Variants in KCND2 observed in about 807,000 individuals in gnomAD.
KCND2 encodes the protein potassium voltage-gated channel subfamily D member 2.
In KCND2, 16 loss-of-function variants were observed where a neutral mutation model predicts 54.4. That is an observed-to-expected ratio of 0.29 (90% CI 0.20 to 0.45). The LOEUF is 0.45. Among genes scored for constraint, KCND2 ranks in the 20% least tolerant of loss-of-function variants. KCND2 has a pLI of 1.00. For synonymous variants in KCND2, 317 were observed against 310.7 expected (o/e 1.02, Z -0.21); for missense variants, 486 against 824.2 (o/e 0.59, Z 5.02).
In KCND2 at chr7:120,659,089, T is replaced by C. The variant is rs184949465; in HGVS notation, c.1116-73814T>C. Among the ~76,000 whole-genome samples the C allele has an allele frequency of 2.6e-5, 4 of 152,322 alleles. No individual in the cohort carries two copies. In the East Asian group the frequency reaches 7.7e-4, roughly 29 times the overall value. On this transcript the variant is annotated intron_variant, in intron 1 of 5. Coordinates refer to ENST00000331113, the MANE Select transcript of KCND2 (RefSeq NM_012281.3). ...AGAGAGTTAGAAAACAAGAAAGTCC[T>C]GGGTGCCTAAAATTCAGGGGTCAAG... is the stretch of plus-strand genomic sequence containing the variant.
chr7:120,608,409 T>C (rs1273076096), intron 1 of KCND2, among the ~76,000 whole-genome samples: 1 of 152,088 alleles, frequency 6.6e-6, no homozygotes, highest in Non-Finnish European at 1.5e-5. Flanking sequence ...CATTTTCAAG[T>C]AAATAGAAAA....
At chr7:120,445,211 AT>A (rs1802003209) in intron 1 of KCND2, among the ~76,000 whole-genome samples, 1 of 152,194 alleles carries the variant, frequency 6.6e-6, no homozygotes, top group Non-Finnish European at 1.5e-5. Flanking sequence ...GAAATGTGAA[AT>A]TTTAAAAGTA....
At chr7:120,581,739 G>A (rs1316139378) in intron 1 of KCND2, among the ~76,000 whole-genome samples, 3 of 151,422 alleles carry the variant, frequency 2.0e-5, no homozygotes, top group Non-Finnish European at 4.4e-5. Context: ...TTTTGATGGA[G>A]TCTTCCTCGG....
intron 1 of KCND2, among the ~76,000 whole-genome samples, chr7:120,308,672 A>G (rs1331771529): frequency 6.6e-6 from 1 of 152,186 alleles, no homozygotes; most frequent in African/African-American, 2.4e-5. Flanking sequence ...TTTTCTCATT[A>G]AAAAGTCATA....
At chr7:120,398,560 A>C (rs1801194686) in intron 1 of KCND2, among the ~76,000 whole-genome samples, 1 of 152,098 alleles carries the variant, frequency 6.6e-6, no homozygotes, top group Non-Finnish European at 1.5e-5. Flanking sequence ...TTACAGAAAA[A>C]ATAGTATTTG....
chr7:120,419,314 G>A (rs967624393), intron 1 of KCND2, among the ~76,000 whole-genome samples: 1 of 152,208 alleles, frequency 6.6e-6, no homozygotes, highest in Middle Eastern at 3.4e-3. Context: ...AGGGCCTGGT[G>A]ATGAATTTCC....
intron 1 of KCND2, among the ~76,000 whole-genome samples, chr7:120,480,431 G>T (rs139079452): frequency 6.6e-6 from 1 of 152,250 alleles, no homozygotes; most frequent in East Asian, 1.9e-4. Flanking sequence ...AGATTACCAT[G>T]ATTTTTGACA....
At chr7:120,287,475 A>C (rs1799363025) in intron 1 of KCND2, among the ~76,000 whole-genome samples, 2 of 152,126 alleles carry the variant, frequency 1.3e-5, no homozygotes, top group African/African-American at 4.8e-5. Context: ...CACATCAAAT[A>C]TAAGAACCAC....
At chr7:120,695,684 C>T (rs1792324718) in intron 1 of KCND2, among the ~76,000 whole-genome samples, 1 of 152,174 alleles carries the variant, frequency 6.6e-6, no homozygotes, top group Non-Finnish European at 1.5e-5. Context: ...ATGATGATGA[C>T]AGCGGAAATG....
At chr7:120,433,119 A>G (rs1801817964) in intron 1 of KCND2, among the ~76,000 whole-genome samples, 1 of 152,082 alleles carries the variant, frequency 6.6e-6, no homozygotes, top group South Asian at 2.1e-4. Flanking sequence ...ACAATAATCC[A>G]TATCGTGTGG....
At chr7:120,412,064 T>G (rs1801458659) in intron 1 of KCND2, among the ~76,000 whole-genome samples, 1 of 152,022 alleles carries the variant, frequency 6.6e-6, no homozygotes, top group South Asian at 2.1e-4. Flanking sequence ...TTACTTTTGT[T>G]CCATCTGCTC....
intron 1 of KCND2, among the ~76,000 whole-genome samples, chr7:120,294,859 T>C (rs556863079): frequency 6.6e-6 from 1 of 151,996 alleles, no homozygotes; most frequent in South Asian, 2.1e-4. Context: ...TACACACATA[T>C]GTACACATAC....
At chr7:120,465,245 T>C (rs1802350258) in intron 1 of KCND2, among the ~76,000 whole-genome samples, 1 of 152,138 alleles carries the variant, frequency 6.6e-6, no homozygotes, top group Admixed American at 6.5e-5. Flanking sequence ...ATACTTATCT[T>C]GGGTTCTTAT....
intron 1 of KCND2, among the ~76,000 whole-genome samples, chr7:120,594,256 G>T (rs1024834060): frequency 1.3e-5 from 2 of 152,138 alleles, no homozygotes; most frequent in African/African-American, 4.8e-5. Flanking sequence ...CACACTGAAC[G>T]CACAAGTAGT....
At chr7:120,717,404 C>T (rs772179841) in intron 1 of KCND2, among the ~76,000 whole-genome samples, 16 of 152,034 alleles carry the variant, frequency 1.1e-4, no homozygotes, top group Non-Finnish European at 1.3e-4. Context: ...TAGAAGTGCA[C>T]GTTCCTTAAA....
At chr7:120,542,417 ATTC>A (rs1562868513) in intron 1 of KCND2, among the ~76,000 whole-genome samples, 1 of 152,132 alleles carries the variant, frequency 6.6e-6, no homozygotes, top group Non-Finnish European at 1.5e-5. Flanking sequence ...GATTTATTTT[ATTC>A]TTCTCCAAGT....
chr7:120,550,272 G>A (rs767034228), intron 1 of KCND2, among the ~76,000 whole-genome samples: 2 of 152,004 alleles, frequency 1.3e-5, no homozygotes, highest in East Asian at 1.9e-4. Flanking sequence ...GCTTAGTGAG[G>A]CATGCAGTGA....
intron 1 of KCND2, among the ~76,000 whole-genome samples, chr7:120,384,135 C>T (rs561531848): frequency 1.3e-5 from 2 of 152,004 alleles, no homozygotes; most frequent in East Asian, 1.9e-4. Context: ...AAGGTAAATA[C>T]GATGTAAACA....
chr7:120,323,430 C>G (rs1259865891), intron 1 of KCND2, among the ~76,000 whole-genome samples: 1 of 151,894 alleles, frequency 6.6e-6, no homozygotes, highest in Non-Finnish European at 1.5e-5. Context: ...GTGTATCTCC[C>G]ACTGCTATCC....
Sources: gnomAD v4.1 joint callset for allele counts (sites outside exome capture counted in the v4.1 genomes callset) on GRCh38, gnomAD v4.1.1 for gene constraint, MANE v1.5 for transcripts, NCBI Gene and HGNC (gene_info 2026-07-23, HGNC 2026-07-21) for gene names.